The following SGMS1 variants were observed in gnomAD, a reference collection of about 807,000 sequenced individuals.
SGMS1 encodes the protein sphingomyelin synthase 1.
A neutral mutation model predicts 46.2 loss-of-function variants in SGMS1; 13 were observed. That is an observed-to-expected ratio of 0.28 (90% CI 0.18 to 0.45). The LOEUF is 0.45. Ranked by LOEUF, SGMS1 falls within the 20% of genes least tolerant of loss-of-function variation. The pLI is 1.00. For synonymous variants in SGMS1, 203 were observed against 187.8 expected (o/e 1.08, Z -0.66); for missense variants, 324 against 519.9 (o/e 0.62, Z 3.66).
In SGMS1 at chr10:50,400,381, T is replaced by C. The variant is rs559806846; in HGVS notation, c.-232+33095A>G. ...CAACAAAATATAAACACAAGACCTA[T>C]AGAACACATCCTGGCATATATATAT... On this transcript the variant is annotated intron_variant, in intron 6 of 10. Coordinates refer to ENST00000361781, the MANE Select transcript of SGMS1 (RefSeq NM_147156.4). Among the ~76,000 whole-genome samples, 9 of 88,638 alleles carry C rather than the reference T, an allele frequency of 1.0e-4. No individual in the cohort carries two copies. In the East Asian group the frequency reaches 2.1e-3, roughly 21 times the overall value. The allele number at this position is 88,638 out of a possible 152,430, so 58.1% of individuals were successfully genotyped here.
chr10:50,328,301 G>C (rs1459930825), intron 7 of SGMS1, among the ~76,000 whole-genome samples: 1 of 152,110 alleles, frequency 6.6e-6, no homozygotes, highest in East Asian at 1.9e-4. Flanking sequence ...AACCCTGTGG[G>C]TCTCCTCTTC....
At chr10:50,603,100 A>T (rs1367414210) in intron 1 of SGMS1, among the ~76,000 whole-genome samples, 1 of 152,220 alleles carries the variant, frequency 6.6e-6, no homozygotes, top group East Asian at 1.9e-4. Context: ...ACATAACCAC[A>T]TTCTAAAACC....
chr10:50,515,861 T>C (rs1837797689), intron 3 of SGMS1, among the ~76,000 whole-genome samples: 1 of 152,214 alleles, frequency 6.6e-6, no homozygotes, highest in Non-Finnish European at 1.5e-5. Flanking sequence ...CACAATTTTC[T>C]GATATTTTTA....
intron 1 of SGMS1, among the ~76,000 whole-genome samples, chr10:50,622,386 A>G (rs1192550639): frequency 6.6e-6 from 1 of 152,100 alleles, no homozygotes; most frequent in Non-Finnish European, 1.5e-5. Context: ...CGGCCCACTC[A>G]GTCCCCCCTG....
intron 6 of SGMS1, among the ~76,000 whole-genome samples, chr10:50,363,769 A>T (rs1419915609): frequency 6.6e-6 from 1 of 152,240 alleles, no homozygotes; most frequent in Non-Finnish European, 1.5e-5. Flanking sequence ...GATACTGATC[A>T]TCTTACACTG....
intron 5 of SGMS1, among the ~76,000 whole-genome samples, chr10:50,451,092 T>C (rs1837103850): frequency 6.6e-6 from 1 of 152,270 alleles, no homozygotes; most frequent in Non-Finnish European, 1.5e-5. Context: ...AACATTATAA[T>C]TATTAAAAAA....
chr10:50,594,967 T>C (rs894830738), intron 1 of SGMS1, among the ~76,000 whole-genome samples: 1 of 152,188 alleles, frequency 6.6e-6, no homozygotes, highest in African/African-American at 2.4e-5. Flanking sequence ...AGGAATTCAG[T>C]TATGCAGTCA....
chr10:50,599,660 C>T (rs1420792112), intron 1 of SGMS1, among the ~76,000 whole-genome samples: 3 of 152,052 alleles, frequency 2.0e-5, no homozygotes, highest in East Asian at 3.9e-4. Context: ...GTCAAGAGTT[C>T]GAGACCAGCC....
At chr10:50,547,964 C>A (rs1313818516) in intron 2 of SGMS1, among the ~76,000 whole-genome samples, 1 of 152,140 alleles carries the variant, frequency 6.6e-6, no homozygotes, top group Non-Finnish European at 1.5e-5. Flanking sequence ...TCAACAGATA[C>A]AGGAAAGGCC....
chr10:50,390,562 C>T lies in SGMS1; in HGVS notation c.-232+42914G>A, dbSNP rs573878269. 2.0e-4 allele frequency among the ~76,000 whole-genome samples: 30 copies of T among 152,222 alleles called. No individual in the cohort carries two copies. In the South Asian group the frequency reaches 5.6e-3, roughly 28 times the overall value. ...CTGGAACAGGAGGATGGCTTGAACC[C>T]AGGAGTTGGAAGCTGCAGTGAGCTG... On this transcript the variant is annotated intron_variant, in intron 6 of 10. Transcript: ENST00000361781.
chr10:50,456,857 G>A (rs770249296), intron 5 of SGMS1, among the ~76,000 whole-genome samples: 1 of 152,152 alleles, frequency 6.6e-6, no homozygotes, highest in African/African-American at 2.4e-5. Context: ...AGAAAAATGG[G>A]TTTTCAAAGT....
intron 8 of SGMS1, among the ~76,000 whole-genome samples, chr10:50,320,258 A>C (rs1847418421): frequency 6.6e-6 from 1 of 152,176 alleles, no homozygotes; most frequent in South Asian, 2.1e-4. Context: ...CGTCTCCCTC[A>C]CGTGAGTACC....
intron 6 of SGMS1, among the ~76,000 whole-genome samples, chr10:50,380,994 CT>C (rs749662046): frequency 0.032 from 4,495 of 138,624 alleles, 215 homozygotes; most frequent in African/African-American, 0.11. Context: ...CCACACCTGG[CT>C]TTTTTTTTTT....
At chr10:50,383,299 CA>C (rs1848634858) in intron 6 of SGMS1, among the ~76,000 whole-genome samples, 1 of 152,090 alleles carries the variant, frequency 6.6e-6, no homozygotes, top group Non-Finnish European at 1.5e-5. Flanking sequence ...TCCGTTTCTT[CA>C]AGTTTAAAAA....
intron 9 of SGMS1, among the ~76,000 whole-genome samples, chr10:50,309,030 T>G (rs1462428385): frequency 2.6e-5 from 4 of 152,162 alleles, no homozygotes; most frequent in African/African-American, 7.2e-5. Context: ...GGAGGCTGCC[T>G]TTGTGGGAAG....
chr10:50,355,165 T>A (rs2688883), intron 6 of SGMS1, among the ~76,000 whole-genome samples: 16,499 of 152,276 alleles, frequency 0.11, 981 homozygotes, highest in South Asian at 0.19. Context: ...GTGGCACTAT[T>A]CACAATAGCA....
chr10:50,405,782 T>C (rs1849005994), intron 6 of SGMS1, among the ~76,000 whole-genome samples: 1 of 152,214 alleles, frequency 6.6e-6, no homozygotes, highest in Non-Finnish European at 1.5e-5. Flanking sequence ...TTCATAGGCA[T>C]TAAACAAAAG....
intron 5 of SGMS1, among the ~76,000 whole-genome samples, chr10:50,458,791 T>G (rs1382092042): frequency 6.6e-6 from 1 of 152,200 alleles, no homozygotes; most frequent in Non-Finnish European, 1.5e-5. Flanking sequence ...TTTTTCAGTA[T>G]GTACATCTAC....
chr10:50,377,359 C>G (rs948776769), intron 6 of SGMS1, among the ~76,000 whole-genome samples: 1 of 152,146 alleles, frequency 6.6e-6, no homozygotes, highest in African/African-American at 2.4e-5. Flanking sequence ...ATGGGTTACT[C>G]CATTCATAAG....
Sources: gnomAD v4.1 joint callset for allele counts (sites outside exome capture counted in the v4.1 genomes callset) on GRCh38, gnomAD v4.1.1 for gene constraint, MANE v1.5 for transcripts, NCBI Gene and HGNC (gene_info 2026-07-23, HGNC 2026-07-21) for gene names.